Variants in KIF11 observed in about 807,000 individuals in gnomAD.
The protein encoded by KIF11 is kinesin family member 11.
In KIF11, 9 loss-of-function variants were observed where a neutral mutation model predicts 121.0. The ratio of observed to expected loss-of-function variants is 0.07; its 90% CI spans 0.04 to 0.13. KIF11 has a LOEUF of 0.13. KIF11 is among the 10% of genes least tolerant of loss of function. The pLI is 1.00. For synonymous variants in KIF11, 408 were observed against 421.0 expected (o/e 0.97, Z 0.38); for missense variants, 846 against 1,217.5 (o/e 0.69, Z 4.54).
intron 3 of KIF11, among the ~76,000 whole-genome samples, 167 bp downstream of exon 3, chr10:92,606,883 T>C (rs538294460): frequency 6.6e-6 from 1 of 151,944 alleles, no homozygotes; most frequent in Admixed American, 6.6e-5. Context: ...GTTCAAGCAA[T>C]TCTCCTGTTT....
At chr10:92,645,170 T>C (rs1185226579) in intron 17 of KIF11, among the ~76,000 whole-genome samples, 193 bp from the exon 18 acceptor site, 1 of 152,220 alleles carries the variant, frequency 6.6e-6, no homozygotes, top group East Asian at 1.9e-4. Context: ...AAAGGTCATT[T>C]AATGGCAATG....
chr10:92,653,196 T>C (rs1021531283), intron 21 of KIF11, among the ~76,000 whole-genome samples: 1 of 152,242 alleles, frequency 6.6e-6, no homozygotes, highest in African/African-American at 2.4e-5. Context: ...AGCAGTGCTA[T>C]TGGCATTTTA....
In KIF11 at chr10:92,631,650, C is replaced by T. The variant is rs554542065; in HGVS notation, c.1495-836C>T. ...TGCTGGGATTACAGGCGTGAGCCAC[C>T]GCGCCCGGCCTTTAATTTTTTATTA... On this transcript the variant is annotated intron_variant, in intron 12 of 21. Transcript: ENST00000260731. Among the ~76,000 whole-genome samples the T allele has an allele frequency of 1.8e-4, 27 of 150,302 alleles. No homozygotes were observed. The South Asian group carries it at 4.1e-3, about 23-fold the overall frequency.
intron 1 of KIF11, among the ~76,000 whole-genome samples, chr10:92,597,503 G>A (rs1169957486): frequency 6.6e-6 from 1 of 152,074 alleles, no homozygotes; most frequent in Non-Finnish European, 1.5e-5. Flanking sequence ...GGCCTCAAGT[G>A]ATCCACCCAT....
At chr10:92,635,383 A>G (rs763703693) in intron 14 of KIF11, among the ~76,000 whole-genome samples, 4 of 152,244 alleles carry the variant, frequency 2.6e-5, no homozygotes, top group Non-Finnish European at 5.9e-5. Flanking sequence ...AGACCACTGC[A>G]ATAAAGTGAA....
intron 9 of KIF11, among the ~76,000 whole-genome samples, chr10:92,620,878 C>T (rs1046977243): frequency 3.3e-5 from 5 of 152,216 alleles, no homozygotes; most frequent in Admixed American, 2.6e-4. Context: ...CCTCCCGCAA[C>T]GCGTGGGAAT....
chr10:92,644,468 C>A (rs1844898750), intron 17 of KIF11, among the ~76,000 whole-genome samples: 1 of 152,124 alleles, frequency 6.6e-6, no homozygotes, highest in Non-Finnish European at 1.5e-5. Context: ...CAGGCACCCA[C>A]CACCACGCCC....
At chr10:92,596,295 G>T (rs1447366305) in intron 1 of KIF11, among the ~76,000 whole-genome samples, 5 of 152,240 alleles carry the variant, frequency 3.3e-5, no homozygotes, top group African/African-American at 1.2e-4. Context: ...GAGCTACGGA[G>T]CCCGGCCTTG....
At chr10:92,600,496 G>GT (rs1347474108) in intron 1 of KIF11, among the ~76,000 whole-genome samples, 1 of 151,800 alleles carries the variant, frequency 6.6e-6, no homozygotes, top group Non-Finnish European at 1.5e-5. Context: ...GAATTTTAGG[G>GT]TTTTCTTTCT....
intron 9 of KIF11, among the ~76,000 whole-genome samples, chr10:92,618,098 GC>G (rs1745674096): frequency 6.6e-6 from 1 of 151,994 alleles, no homozygotes; most frequent in Admixed American, 6.6e-5. Context: ...CTTTTCTTGT[GC>G]TTATTATCTA....
chr10:92,611,454 C>T (rs150654679), intron 6 of KIF11, among the ~76,000 whole-genome samples: 6,478 of 151,924 alleles, frequency 0.043, 174 homozygotes, highest in Admixed American at 0.063. Context: ...CCTCGTGATC[C>T]GTCCACCTCG....
chr10:92,609,616 A>T, intron 6 of KIF11, 107 bp downstream of exon 6: 2 of 1,019,582 alleles, frequency 2.0e-6, no homozygotes, highest in Non-Finnish European at 2.9e-6. Flanking sequence ...TCACGTACCT[A>T]GAGTTTGTGT....
At chr10:92,616,130 C>T (rs573144264) in intron 8 of KIF11, among the ~76,000 whole-genome samples, 1 of 151,974 alleles carries the variant, frequency 6.6e-6, no homozygotes, top group South Asian at 2.1e-4. Context: ...AGCCACTGTG[C>T]CCGGCTGATA....
intron 10 of KIF11, among the ~76,000 whole-genome samples, chr10:92,623,445 T>C (rs10082524): frequency 0.088 from 13,376 of 152,288 alleles, 670 homozygotes; most frequent in Middle Eastern, 0.11. Context: ...AGCAAGACTT[T>C]CACAGAGCAT....
At chr10:92,622,918 C>T (rs986551264) in intron 10 of KIF11, among the ~76,000 whole-genome samples, 10 of 152,138 alleles carry the variant, frequency 6.6e-5, no homozygotes, top group Admixed American at 2.6e-4. Flanking sequence ...GAGGAAAGCA[C>T]TGCACACTTT....
intron 10 of KIF11, among the ~76,000 whole-genome samples, chr10:92,622,419 A>G (rs1844628780): frequency 6.6e-6 from 1 of 152,192 alleles, no homozygotes; most frequent in African/African-American, 2.4e-5. Flanking sequence ...GTTCGAGACC[A>G]GCCTGGCCAA....
chr10:92,631,123 TAA>T (rs879436165), intron 12 of KIF11, among the ~76,000 whole-genome samples: 1 of 137,002 alleles, frequency 7.3e-6, no homozygotes. Flanking sequence ...CCATCTCTAC[TAA>T]AAAAAAAAAA....
chr10:92,647,182 A>G (rs1844929040), intron 18 of KIF11, among the ~76,000 whole-genome samples: 1 of 152,226 alleles, frequency 6.6e-6, no homozygotes, highest in African/African-American at 2.4e-5. Context: ...TGTAGAAAAT[A>G]AAGCATAGAA....
chr10:92,638,846 A>G (rs928586237), intron 16 of KIF11, among the ~76,000 whole-genome samples: 12 of 152,222 alleles, frequency 7.9e-5, no homozygotes, highest in African/African-American at 7.2e-5. Context: ...TGTATTGTCA[A>G]CTGATGTGTT....
Sources: gnomAD v4.1 joint callset for allele counts (sites outside exome capture counted in the v4.1 genomes callset) on GRCh38, gnomAD v4.1.1 for gene constraint, MANE v1.5 for transcripts, NCBI Gene and HGNC (gene_info 2026-07-23, HGNC 2026-07-21) for gene names.